DAB2IP: variants seen among roughly 807,000 people sequenced by gnomAD.
The protein encoded by DAB2IP is DAB2 interacting protein.
In DAB2IP, 28 loss-of-function variants were observed where a neutral mutation model predicts 107.2. The ratio of observed to expected loss-of-function variants is 0.26; its 90% CI spans 0.19 to 0.36. The LOEUF is 0.36. DAB2IP is among the 10% of genes least tolerant of loss of function. DAB2IP has a pLI of 1.00. For synonymous variants in DAB2IP, 755 were observed against 706.4 expected, an observed-to-expected ratio of 1.07 and a Z score of -1.09; for missense variants, 1,400 against 1,644.7, an observed-to-expected ratio of 0.85 and a Z score of 2.57.
intron 3 of DAB2IP, among the ~76,000 whole-genome samples, chr9:121,731,344 T>C (rs750690700): frequency 6.6e-6 from 1 of 152,162 alleles, no homozygotes; most frequent in Admixed American, 6.5e-5. Flanking sequence ...CTCTGGCACA[T>C]GTCACGGCAA....
At chr9:121,644,424 C>A (rs968622737) in intron 1 of DAB2IP, among the ~76,000 whole-genome samples, 35 of 151,904 alleles carry the variant, frequency 2.3e-4, no homozygotes, top group Admixed American at 2.0e-3. Flanking sequence ...TGGCGAAACC[C>A]CGTCTCTACT....
intron 5 of DAB2IP, among the ~76,000 whole-genome samples, chr9:121,759,496 A>G (rs1833732479): frequency 1.3e-5 from 2 of 152,206 alleles, no homozygotes; most frequent in African/African-American, 2.4e-5. Context: ...CCTGGTCACC[A>G]TAGCCATCTC....
In DAB2IP at chr9:121,760,365, A is replaced by T; in HGVS notation, c.1096A>T (p.Ile366Phe). Residue 366 changes from isoleucine (I) to phenylalanine (F), a missense_variant, in exon 6 of 16, where the codon ATC (isoleucine) becomes TTC (phenylalanine). Transcript: ENST00000408936. This position sits in a 1 kb window ranked among gnomAD's most constrained non-coding sequence, Gnocchi z 5.9. ...GGGGCTGTGTGCAGCCCTCGAGCCCATCCTCAGTGCCAAGACCAAGGAGGA... is the reference window on the plus strand; with the variant it reads ...GGGGCTGTGTGCAGCCCTCGAGCCCTTCCTCAGTGCCAAGACCAAGGAGGA... The T allele has an allele frequency of 6.2e-7, 1 of 1,612,120 alleles. No individual in the cohort carries two copies. The highest frequency in any genetic ancestry group is 8.5e-7 in the Non-Finnish European group (1 of 1,179,998).
At chr9:121,648,497 C>T (rs371463787), upstream of DAB2IP, among the ~76,000 whole-genome samples, 106 of 151,802 alleles carry the variant, frequency 7.0e-4, no homozygotes, top group Non-Finnish European at 1.4e-3. Flanking sequence ...TCTGAGAGTT[C>T]GCCTTGGGAG....
At chr9:121,612,222 G>C (rs1250050923) in intron 1 of DAB2IP, among the ~76,000 whole-genome samples, 2 of 152,108 alleles carry the variant, frequency 1.3e-5, no homozygotes, top group Admixed American at 6.6e-5. Flanking sequence ...GGAGGCTGAG[G>C]TGGGAGGATC....
chr9:121,675,400 G>T (rs1343459243), intron 1 of DAB2IP, among the ~76,000 whole-genome samples: 2 of 152,174 alleles, frequency 1.3e-5, no homozygotes, highest in Non-Finnish European at 2.9e-5. Flanking sequence ...CGGTGCCAAG[G>T]TGAGGAGTCC....
At chr9:121,727,462 G>C (rs549695049) in intron 3 of DAB2IP, among the ~76,000 whole-genome samples, 5 of 152,252 alleles carry the variant, frequency 3.3e-5, no homozygotes, top group African/African-American at 1.2e-4. Context: ...GGCAGTGGGG[G>C]TGTGGCAAGG....
chr9:121,606,720 G>A (rs757685584), intron 1 of DAB2IP, among the ~76,000 whole-genome samples: 44 of 151,870 alleles, frequency 2.9e-4, no homozygotes, highest in Admixed American at 1.9e-3. Flanking sequence ...GTGAACTCAG[G>A]CAGTGGGGGG....
At chr9:121,694,503 CGT>C (rs1206660468) in intron 2 of DAB2IP, among the ~76,000 whole-genome samples, 1 of 152,064 alleles carries the variant, frequency 6.6e-6, no homozygotes, top group East Asian at 1.9e-4. Context: ...GAAGAAATCA[CGT>C]GTCTTGAATT....
chr9:121,664,668 C>G (rs1414250603), intron 1 of DAB2IP, among the ~76,000 whole-genome samples: 2 of 152,172 alleles, frequency 1.3e-5, no homozygotes, highest in African/African-American at 4.8e-5. Flanking sequence ...TTACTTGCAG[C>G]TAACAAGTTA....
chr9:121,744,365 C>T (rs946013374), intron 3 of DAB2IP, among the ~76,000 whole-genome samples: 6 of 152,178 alleles, frequency 3.9e-5, no homozygotes, highest in Non-Finnish European at 5.9e-5. Context: ...AGCCAGATCA[C>T]TTTGGTGTGG....
At chr9:121,678,245 T>C (rs1045071893) in intron 1 of DAB2IP, among the ~76,000 whole-genome samples, 11 of 152,264 alleles carry the variant, frequency 7.2e-5, no homozygotes, top group African/African-American at 2.2e-4. Flanking sequence ...AATGGGATCA[T>C]ACAAAATATG....
chr9:121,579,537 G>A (rs990718677), intron 1 of DAB2IP, among the ~76,000 whole-genome samples: 1 of 151,956 alleles, frequency 6.6e-6, no homozygotes, highest in African/African-American at 2.4e-5. Flanking sequence ...CCACACCTTT[G>A]CCAGCCCCTA....
At chr9:121,658,612 T>G (rs1833067415) in intron 1 of DAB2IP, among the ~76,000 whole-genome samples, 1 of 152,240 alleles carries the variant, frequency 6.6e-6, no homozygotes, top group African/African-American at 2.4e-5. Flanking sequence ...TGCTGTGATT[T>G]CCCAGTTGCA....
intron 3 of DAB2IP, among the ~76,000 whole-genome samples, chr9:121,703,403 G>A (rs1829884693): frequency 6.6e-6 from 1 of 152,082 alleles, no homozygotes; most frequent in African/African-American, 2.4e-5. Flanking sequence ...TTTTTTTGGG[G>A]ACTAGTCTGT....
chr9:121,633,854 A>G lies in DAB2IP; in HGVS notation c.41-44824A>G, dbSNP rs1423512501. Among the ~76,000 whole-genome samples, 1 of 152,198 alleles carries G rather than the reference A, an allele frequency of 6.6e-6. No individual in the cohort carries two copies. Among genetic ancestry groups the G allele is most frequent in the Non-Finnish European group, 1.5e-5 (1 of 68,018 alleles). ...AGGGAAGTCAAGTTAGGTCTCTGCC[A>G]TGGGTCTGGGGCTGCTGCTCTCTTC... On this transcript the variant is annotated intron_variant, in intron 1 of 16. Transcript: ENST00000259371. The surrounding 1 kb of genome is among the most constrained non-coding windows in gnomAD (Gnocchi z 5.1).
intron 1 of DAB2IP, among the ~76,000 whole-genome samples, chr9:121,583,385 T>A (rs1181291557): frequency 6.6e-6 from 1 of 152,130 alleles, no homozygotes; most frequent in African/African-American, 2.4e-5. Flanking sequence ...AGTGAGACTC[T>A]GTTTAAAAAA....
At chr9:121,589,843 G>C (rs1388054808) in intron 1 of DAB2IP, among the ~76,000 whole-genome samples, 4 of 152,046 alleles carry the variant, frequency 2.6e-5, no homozygotes, top group Non-Finnish European at 4.4e-5. Context: ...GGCCATCCCA[G>C]CTCCCGATGT....
chr9:121,614,342 T>TC (rs1428800922), intron 1 of DAB2IP, among the ~76,000 whole-genome samples: 61 of 104,678 alleles, frequency 5.8e-4, no homozygotes, highest in Non-Finnish European at 8.3e-4. Context: ...CTTTTCTTTT[T>TC]TTTTTTTTTT....
Sources: allele counts gnomAD v4.1 joint callset (sites outside exome capture counted in the v4.1 genomes callset), GRCh38; gene constraint gnomAD v4.1.1; non-coding constraint Gnocchi (gnomAD v3.1); transcripts MANE v1.5; gene names NCBI Gene and HGNC (gene_info 2026-07-23, HGNC 2026-07-21).